The following UNKL variants were observed in gnomAD, a reference collection of about 807,000 sequenced individuals.
UNKL encodes putative E3 ubiquitin-protein ligase UNKL.
UNKL carries 60 observed loss-of-function variants against 78.0 expected under a neutral mutation model. The observed-to-expected ratio is 0.77, with a 90% CI of 0.63 to 0.95. The LOEUF is 0.95. Among genes scored for constraint, UNKL ranks in the 40% least tolerant of loss-of-function variants. The pLI is 0.00. For missense variants in UNKL, 1,159 were observed against 1,045.7 expected (o/e 1.11, Z -1.49); for synonymous variants, 608 against 474.8 (o/e 1.28, Z -3.65).
intron 4 of UNKL, 39 bp downstream of exon 4, chr16:1,401,529 C>T (rs762971914): frequency 3.4e-6 from 5 of 1,471,662 alleles, no homozygotes; most frequent in Non-Finnish European, 4.6e-6. Flanking sequence ...CTGTGCCCGC[C>T]CCCCCCACCA....
At chr16:1,369,887 A>G (rs2141954722) in intron 12 of UNKL, 2 of 1,486,652 alleles carry the variant, frequency 1.3e-6, no homozygotes, top group African/African-American at 1.4e-5. Flanking sequence ...AGGCAGGAGA[A>G]TTGCTTGAAC....
chr16:1,398,223 G>T, intron 5 of UNKL: 1 of 805,830 alleles, frequency 1.2e-6, no homozygotes, highest in Non-Finnish European at 1.5e-6. Context: ...ACTGCAGTGA[G>T]CTGAGACTGC....
Position 1,366,061 on chromosome 16 carries a change from G to A in UNKL, c.*179C>T. 3 of 656,578 alleles carry A rather than the reference G, an allele frequency of 4.6e-6. No homozygotes were observed. The highest frequency in any genetic ancestry group is 4.7e-6 in the Non-Finnish European group (2 of 422,436). The allele number at this position is 656,578 out of a possible 1,614,324, so 40.7% of individuals were successfully genotyped here. Reference sequence around the variant, plus strand: ...ACTAGATAGGTGACAACGTGTGACAGGAAAGGCTGTCAGGCCAAGCGCAGG... The same window carrying A: ...ACTAGATAGGTGACAACGTGTGACAAGAAAGGCTGTCAGGCCAAGCGCAGG... On this transcript the variant is annotated 3_prime_UTR_variant, in exon 15 of 15. Coordinates refer to ENST00000389221, the MANE Select transcript of UNKL (RefSeq NM_001372107.1).
chr16:1,401,473 T>G, intron 4 of UNKL, 95 bp downstream of exon 4: 1 of 1,352,546 alleles, frequency 7.4e-7, no homozygotes, highest in Non-Finnish European at 9.6e-7. Flanking sequence ...ACCTTGCACG[T>G]AAACTGAAAG....
At chr16:1,369,069 T>G (rs1416359197) in intron 12 of UNKL, among the ~76,000 whole-genome samples, 14 of 129,400 alleles carry the variant, frequency 1.1e-4, no homozygotes, top group Middle Eastern at 3.7e-3. Flanking sequence ...TTTTTTTTTT[T>G]TTTTTTTTTT....
At chr16:1,370,559 G>A (rs2035722626) in intron 11 of UNKL, among the ~76,000 whole-genome samples, 1 of 152,138 alleles carries the variant, frequency 6.6e-6, no homozygotes, top group Non-Finnish European at 1.5e-5. Flanking sequence ...CAACACAGCT[G>A]GGCAAGCCAT....
chr16:1,370,954 G>A (rs908186270), intron 11 of UNKL, among the ~76,000 whole-genome samples: 4 of 151,976 alleles, frequency 2.6e-5, no homozygotes, highest in Non-Finnish European at 5.9e-5. Flanking sequence ...GTGGTGGCGG[G>A]CACCTGTAGT....
At chr16:1,414,518 G>T in intron 1 of UNKL, 97 bp downstream of exon 1, 1 of 276,264 alleles carries the variant, frequency 3.6e-6, no homozygotes, top group East Asian at 1.7e-4. Flanking sequence ...GCGGAGGCCG[G>T]GGGGCGCGGG....
chr16:1,370,819 C>CA (rs2035755974), intron 11 of UNKL, among the ~76,000 whole-genome samples: 4 of 152,246 alleles, frequency 2.6e-5, no homozygotes, highest in Admixed American at 2.6e-4. Context: ...CGCACTGGCT[C>CA]ACGCCTGTAA....
At position 1,387,030 on chromosome 16, in the gene UNKL, G is replaced by A. The variant is rs2036844325; in HGVS notation, c.1087-1645C>T. 6.6e-6 allele frequency among the ~76,000 whole-genome samples: 1 copy of A among 151,964 alleles called. No individual in the cohort carries two copies. The highest frequency in any genetic ancestry group is 6.5e-5 in the Admixed American group (1 of 15,270). On this transcript the variant is annotated intron_variant, in intron 9 of 14. Coordinates refer to ENST00000389221, the MANE Select transcript of UNKL (RefSeq NM_001372107.1). This position sits in a 1 kb window ranked among gnomAD's most constrained non-coding sequence, Gnocchi z 4.1. ...AAAAACGGACCACAGTCCACCCCGT[G>A]AGCATCAGGGACGGCGGTAACTCCT...
At chr16:1,380,770 G>T (rs897049778) in intron 10 of UNKL, among the ~76,000 whole-genome samples, 2 of 139,890 alleles carry the variant, frequency 1.4e-5, no homozygotes, top group African/African-American at 2.7e-5. Context: ...CGCCTTTGCG[G>T]TCCAAGCAAT....
intron 4 of UNKL, chr16:1,401,202 CTGG>C (rs1270143907): frequency 1.1e-5 from 2 of 190,132 alleles, no homozygotes; most frequent in Admixed American, 6.1e-5. Context: ...GCCTGGTGGG[CTGG>C]GGGCTCTGCT....
chr16:1,412,613 G>A (rs915923047), intron 2 of UNKL, among the ~76,000 whole-genome samples: 2 of 152,188 alleles, frequency 1.3e-5, no homozygotes, highest in Non-Finnish European at 2.9e-5. Context: ...CAGTCTCGAT[G>A]CTACATAAAT....
chr16:1,379,675 G>A (rs2036513985), intron 10 of UNKL: 6 of 984,498 alleles, frequency 6.1e-6, no homozygotes, highest in Non-Finnish European at 7.2e-6. Flanking sequence ...CCGCCGCCGG[G>A]GATTCAAACC....
At chr16:1,385,890 T>C (rs949415562) in intron 9 of UNKL, among the ~76,000 whole-genome samples, 2 of 152,162 alleles carry the variant, frequency 1.3e-5, no homozygotes, top group Non-Finnish European at 2.9e-5. Flanking sequence ...AAAACATCCA[T>C]AGCGTGGTCC....
At chr16:1,381,663 G>A (rs1030461794) in intron 10 of UNKL, among the ~76,000 whole-genome samples, 1 of 152,220 alleles carries the variant, frequency 6.6e-6, no homozygotes, top group Non-Finnish European at 1.5e-5. Flanking sequence ...TAGCCACTGT[G>A]TAGACTTCAT....
At chr16:1,383,738 C>T (rs935422763) in intron 10 of UNKL, 33 of 407,338 alleles carry the variant, frequency 8.1e-5, no homozygotes, top group Middle Eastern at 3.4e-4. Context: ...GCCGCCGGGC[C>T]GCCGCCCACA....
chr16:1,401,883 C>T (rs929253873), intron 3 of UNKL, among the ~76,000 whole-genome samples, 182 bp from the exon 4 acceptor site: 1 of 152,210 alleles, frequency 6.6e-6, no homozygotes, highest in Non-Finnish European at 1.5e-5. Context: ...ATCCAAATCC[C>T]AACCACTTCA....
chr16:1,368,171 G>A (rs912877131), intron 12 of UNKL: 22 of 430,416 alleles, frequency 5.1e-5, no homozygotes, highest in African/African-American at 4.4e-4. Context: ...GGTGGGAGGG[G>A]CAGTGGTTCT....
Sources: allele counts gnomAD v4.1 joint callset (sites outside exome capture counted in the v4.1 genomes callset), GRCh38; gene constraint gnomAD v4.1.1; non-coding constraint Gnocchi (gnomAD v3.1); transcripts MANE v1.5; gene names NCBI Gene and HGNC (gene_info 2026-07-23, HGNC 2026-07-21).